The following SLC44A5 variants were observed in gnomAD, a reference collection of about 807,000 sequenced individuals.
SLC44A5 encodes the protein choline transporter-like protein 5.
In SLC44A5, 57 loss-of-function variants were observed where a neutral mutation model predicts 101.8. That is an observed-to-expected ratio of 0.56 (90% confidence interval 0.45 to 0.70). The LOEUF (loss-of-function observed/expected upper bound fraction) is 0.70, where lower values mean the gene tolerates loss of function less well. Ranked by LOEUF, SLC44A5 falls within the 30% of genes least tolerant of loss-of-function variation. The pLI is 0.00. For synonymous variants in SLC44A5, 281 were observed against 290.9 expected (o/e 0.97, Z 0.35); for missense variants, 737 against 853.1 (o/e 0.86, Z 1.70).
chr1:75,519,035 T>G (rs1384520109), intron 2 of SLC44A5, among the ~76,000 whole-genome samples: 2 of 152,228 alleles, frequency 1.3e-5, no homozygotes, highest in Non-Finnish European at 2.9e-5. Flanking sequence ...TTTAGAATAC[T>G]TTAAAGTTAT....
At chr1:75,477,069 G>T (rs1456618882) in intron 2 of SLC44A5, among the ~76,000 whole-genome samples, 1 of 152,288 alleles carries the variant, frequency 6.6e-6, no homozygotes, top group South Asian at 2.1e-4. Context: ...CCAGAGAAAC[G>T]ATCAGACAGC....
intron 1 of SLC44A5, among the ~76,000 whole-genome samples, chr1:75,578,324 C>CA (rs373414655): frequency 6.6e-6 from 1 of 151,870 alleles, no homozygotes; most frequent in Admixed American, 6.6e-5. Context: ...TGAAATAGCA[C>CA]AAAAAAACAT....
chr1:75,248,770 C>T (rs574736012), intron 7 of SLC44A5, among the ~76,000 whole-genome samples: 2 of 152,226 alleles, frequency 1.3e-5, no homozygotes, highest in South Asian at 4.1e-4. Context: ...GAACACACAG[C>T]TGCCTGGATT....
intron 2 of SLC44A5, among the ~76,000 whole-genome samples, chr1:75,462,559 C>A (rs954114219): frequency 6.6e-6 from 1 of 152,012 alleles, no homozygotes; most frequent in Admixed American, 6.6e-5. Flanking sequence ...AGGGACCAGT[C>A]CTGGAGAAAC....
rs866460784 is a variant in SLC44A5 at position 75,315,251 on chromosome 1, C to A, written c.102-14566G>T. ...GGATTGGATTATAAATTATTACCAT[C>A]ATTATTTATACATCTATATACAAAA... is the stretch of plus-strand genomic sequence containing the variant. On this transcript the variant is annotated intron_variant, in intron 4 of 23. Transcript: ENST00000370859. Among the ~76,000 whole-genome samples, 3 of 152,240 alleles carry A rather than the reference C, an allele frequency of 2.0e-5. No homozygotes were observed. In the South Asian group the frequency reaches 6.2e-4, roughly 32 times the overall value.
the SLC44A5 span, among the ~76,000 whole-genome samples, chr1:75,638,739 A>C: frequency 6.6e-6 from 1 of 152,182 alleles, no homozygotes. Context: ...AACAAAATTC[A>C]TTATTTTTAT....
the SLC44A5 span, among the ~76,000 whole-genome samples, chr1:75,679,451 C>A: frequency 1.3e-5 from 2 of 151,992 alleles, no homozygotes; most frequent in Non-Finnish European, 2.9e-5. Context: ...GAGTGGGGGC[C>A]AATATTCAAC....
the SLC44A5 span, among the ~76,000 whole-genome samples, chr1:75,633,043 C>T: frequency 6.6e-6 from 1 of 152,164 alleles, no homozygotes; most frequent in African/African-American, 2.4e-5. Context: ...GCTATACACA[C>T]ACTCTGATCT....
At chr1:75,666,359 C>A in the SLC44A5 span, among the ~76,000 whole-genome samples, 1 of 151,934 alleles carries the variant, frequency 6.6e-6, no homozygotes, top group South Asian at 2.1e-4. Flanking sequence ...ACACATACAC[C>A]CTCCCAAATT....
intron 2 of SLC44A5, among the ~76,000 whole-genome samples, chr1:75,492,782 G>A (rs554622459): frequency 2.2e-4 from 33 of 152,272 alleles, no homozygotes; most frequent in South Asian, 2.1e-3. Context: ...TACTCAGCAC[G>A]TCTTCTCCCT....
Position 75,269,686 on chromosome 1 carries a change from T to A in SLC44A5, c.260+5272A>T, listed in dbSNP as rs144078118. Among the ~76,000 whole-genome samples the A allele has an allele frequency of 5.1e-3, 777 of 152,284 alleles. 8 individuals are homozygous for A. Among genetic ancestry groups the A allele is most frequent in the African/African-American group, 0.018 (750 of 41,576 alleles). ...CTTTCTGCTACTGACTTGAAATCCA[T>A]CTTTATCACATTCAAAATTTATATT... On this transcript the variant is annotated intron_variant, in intron 6 of 23. Coordinates refer to ENST00000370859, the MANE Select transcript of SLC44A5 (RefSeq NM_001130058.2).
chr1:75,566,082 A>C lies in SLC44A5; in HGVS notation c.-69-24566T>G, dbSNP rs186544762. On this transcript the variant is annotated intron_variant, in intron 1 of 23. Coordinates refer to ENST00000370859, the MANE Select transcript of SLC44A5 (RefSeq NM_001130058.2). ...CAGGAACATTATGCAGTAATAAGGC[A>C]GTTCTGAAATCAATGTTGGAGGCTG... Among the ~76,000 whole-genome samples the C allele has an allele frequency of 7.8e-3, 1,187 of 152,348 alleles. 6 individuals are homozygous for C. The highest frequency in any genetic ancestry group is 0.024 in the Middle Eastern group (7 of 294).
chr1:75,486,882 T>TTA (rs1231738100), intron 2 of SLC44A5, among the ~76,000 whole-genome samples: 1 of 152,236 alleles, frequency 6.6e-6, no homozygotes, highest in Non-Finnish European at 1.5e-5. Flanking sequence ...GAGGCCTTAA[T>TTA]TACTTAGCTC....
At chr1:75,521,705 T>A (rs1355754723) in intron 2 of SLC44A5, 1 of 152,614 alleles carries the variant, frequency 6.6e-6, no homozygotes, top group East Asian at 1.9e-4. Context: ...ACCAAAAAGG[T>A]AGAAGCTCAA....
At chr1:75,541,357 T>C in intron 2 of SLC44A5, 78 bp downstream of exon 2, 3 of 1,097,642 alleles carry the variant, frequency 2.7e-6, no homozygotes, top group Non-Finnish European at 4.1e-6. Context: ...CTATTTGTCC[T>C]TATTTAATAT....
At chr1:75,212,913 GGCTGCTA>G (rs1401994458) in intron 22 of SLC44A5, among the ~76,000 whole-genome samples, 2 of 152,168 alleles carry the variant, frequency 1.3e-5, no homozygotes, top group African/African-American at 2.4e-5. Context: ...TGGAAATCTA[GGCTGCTA>G]ATGACTCAGT....
At chr1:75,208,710 G>A (rs1388311198) in intron 23 of SLC44A5, among the ~76,000 whole-genome samples, 1 of 152,108 alleles carries the variant, frequency 6.6e-6, no homozygotes, top group Non-Finnish European at 1.5e-5. Flanking sequence ...GATAAGGAGA[G>A]ATTACTGCTG....
chr1:75,569,139 T>C (rs1438815986), intron 1 of SLC44A5, among the ~76,000 whole-genome samples: 2 of 152,036 alleles, frequency 1.3e-5, no homozygotes, highest in Non-Finnish European at 1.5e-5. Flanking sequence ...ACTTCCCTTT[T>C]ACCCAACTCA....
intron 1 of SLC44A5, among the ~76,000 whole-genome samples, chr1:75,574,466 G>A (rs1673256793): frequency 6.6e-6 from 1 of 152,140 alleles, no homozygotes; most frequent in South Asian, 2.1e-4. Context: ...ATAAAATATT[G>A]ACAATAATAA....
Sources: allele counts gnomAD v4.1 joint callset (sites outside exome capture counted in the v4.1 genomes callset), GRCh38; gene constraint gnomAD v4.1.1; transcripts MANE v1.5; gene names NCBI Gene and HGNC (gene_info 2026-07-23, HGNC 2026-07-21).